Variants in FBXL18 observed in about 807,000 individuals in gnomAD.
FBXL18 encodes F-box/LRR-repeat protein 18.
A neutral mutation model predicts 46.0 loss-of-function variants in FBXL18; 36 were observed. The ratio of observed to expected loss-of-function variants is 0.78; its 90% CI spans 0.60 to 1.03. The LOEUF (loss-of-function observed/expected upper bound fraction) is 1.03, where lower values mean the gene tolerates loss of function less well. FBXL18 is among the 50% of genes least tolerant of loss of function. FBXL18 has a pLI of 0.00. For missense variants in FBXL18, 977 were observed against 1,004.1 expected (o/e 0.97, Z 0.36); for synonymous variants, 557 against 465.3 (o/e 1.20, Z -2.54).
At chr7:5,498,816 G>A (rs1474285635) in intron 3 of FBXL18, among the ~76,000 whole-genome samples, 3 of 151,946 alleles carry the variant, frequency 2.0e-5, no homozygotes, top group South Asian at 4.1e-4. Context: ...TAGATGATCC[G>A]CACACCTTGG....
intron 4 of FBXL18, among the ~76,000 whole-genome samples, chr7:5,464,072 G>A (rs1220849121): frequency 2.6e-5 from 4 of 152,096 alleles, no homozygotes; most frequent in Non-Finnish European, 2.9e-5. Context: ...CTGGCCGGGC[G>A]CGGTGACTCA....
chr7:5,471,609 A>G (rs1347369375), downstream of FBXL18, among the ~76,000 whole-genome samples: 2 of 151,996 alleles, frequency 1.3e-5, no homozygotes, highest in Non-Finnish European at 2.9e-5. Flanking sequence ...ACGGGGCTTC[A>G]CCGTGTTAGC....
intron 4 of FBXL18, among the ~76,000 whole-genome samples, chr7:5,458,308 T>C (rs1368559970): frequency 6.6e-6 from 1 of 152,198 alleles, no homozygotes; most frequent in African/African-American, 2.4e-5. Flanking sequence ...CTCACGCCTG[T>C]AATCCCAGCA....
chr7:5,486,164 T>C (rs1336578516), intron 4 of FBXL18, among the ~76,000 whole-genome samples: 3 of 151,192 alleles, frequency 2.0e-5, no homozygotes, highest in Non-Finnish European at 4.4e-5. Context: ...TGAGGCAGAA[T>C]TGCTTGAACC....
In FBXL18 at chr7:5,491,406, C is replaced by T. The variant is rs778408105; in HGVS notation, c.1825G>A (p.Ala609Thr). ...TGCAGCGAGGGGCACTGGCTCAGCG[C>T]CTGGAAGAACTGGGCGTTGGCGCTG... ...YFSANAQFFQ[A>T]LSQCPSLQRL... Residue 609 changes from alanine (A) to threonine (T), a missense_variant, in exon 4 of 5, where the codon GCG becomes ACG. Transcript: ENST00000382368. 1 of 1,603,610 alleles carries T rather than the reference C, an allele frequency of 6.2e-7. No homozygotes were observed. Among genetic ancestry groups the T allele is most frequent in the Non-Finnish European group, 8.5e-7 (1 of 1,176,442 alleles).
chr7:5,489,226 G>A (rs1225806215), intron 4 of FBXL18: 1 of 518,566 alleles, frequency 1.9e-6, no homozygotes, highest in Non-Finnish European at 3.9e-6. Flanking sequence ...GGACTCCACG[G>A]TGTAGTGTTA....
Position 5,455,797 on chromosome 7 carries a change from G to T in FBXL18, c.2001-7954C>A. 7.0e-6 allele frequency among the ~76,000 whole-genome samples: 1 copy of T among 142,884 alleles called. No homozygotes were observed. The highest frequency in any genetic ancestry group is 3.0e-4 in the East Asian group (1 of 3,324). 93.7% of individuals were successfully genotyped at this position (142,884 alleles called of 152,430 possible). The stretch of plus-strand genomic sequence containing the variant: ...ACACACACACACACACCACTTCCAT[G>T]GCGCCAGGAGAGAGTTTGGTCCTTC... On this transcript the variant is annotated intron_variant and NMD_transcript_variant, in intron 4 of 6. Coordinates refer to the FBXL18 transcript ENST00000415009. This position sits in a 1 kb window ranked among gnomAD's most constrained non-coding sequence, Gnocchi z 4.6.
At chr7:5,463,879 T>A (rs1259267575) in intron 4 of FBXL18, among the ~76,000 whole-genome samples, 1 of 151,240 alleles carries the variant, frequency 6.6e-6, no homozygotes, top group Non-Finnish European at 1.5e-5. Context: ...TAGCTGGGAT[T>A]ACAGGCGTGC....
At chr7:5,459,752 A>C (rs1562670163) in intron 4 of FBXL18, among the ~76,000 whole-genome samples, 2 of 151,054 alleles carry the variant, frequency 1.3e-5, no homozygotes, top group Non-Finnish European at 3.0e-5. Context: ...AAAAAAAAAA[A>C]AATACAAAAA....
chr7:5,471,362 C>T (rs985514778), downstream of FBXL18, among the ~76,000 whole-genome samples: 16 of 152,160 alleles, frequency 1.1e-4, no homozygotes, highest in Non-Finnish European at 4.4e-5. Context: ...CTACAACCTC[C>T]GCCTCCCGGG....
intron 4 of FBXL18, among the ~76,000 whole-genome samples, chr7:5,468,039 G>T (rs1584187178): frequency 6.6e-6 from 1 of 151,106 alleles, no homozygotes. Flanking sequence ...CTGGAGTGCA[G>T]TGGCACGATC....
intron 1 of FBXL18, among the ~76,000 whole-genome samples, chr7:5,510,026 G>A (rs1784489433): frequency 6.6e-6 from 1 of 152,108 alleles, no homozygotes; most frequent in Non-Finnish European, 1.5e-5. Flanking sequence ...TGCAGGAAGG[G>A]CGCGGTAGCT....
rs1276210296 is a variant in FBXL18, at chr7:5,476,411, C to T, written c.*5364G>A. ...GTCCACTGATCTGGGGTAGGAGTAGCCAAGTGTTCTGACAGGCGGTTTTCC... is the reference window on the plus strand; with the variant it reads ...GTCCACTGATCTGGGGTAGGAGTAGTCAAGTGTTCTGACAGGCGGTTTTCC... On this transcript the variant is annotated 3_prime_UTR_variant, in exon 5 of 5. Transcript: ENST00000382368. 1 of 152,164 alleles carries T rather than the reference C, an allele frequency of 6.6e-6. No homozygotes were observed. Among genetic ancestry groups the T allele is most frequent in the Non-Finnish European group, 1.5e-5 (1 of 68,044 alleles). 9.4% of individuals were successfully genotyped at this position (152,164 alleles called of 1,614,324 possible).
At chr7:5,470,605 C>A (rs1229432740) in intron 4 of FBXL18, among the ~76,000 whole-genome samples, 1 of 152,178 alleles carries the variant, frequency 6.6e-6, no homozygotes, top group Non-Finnish European at 1.5e-5. Context: ...CAGGCAGACA[C>A]AAGACACAAC....
At chr7:5,505,690 T>C (rs1201368665) in intron 1 of FBXL18, 60 bp from the exon 2 acceptor site, 2 of 1,429,886 alleles carry the variant, frequency 1.4e-6, no homozygotes, top group South Asian at 1.2e-5. Context: ...CAGCCTAGCC[T>C]GCAGCTAGGC....
At position 5,505,461 on chromosome 7, in the gene FBXL18, C is replaced by T; in HGVS notation, c.188G>A (p.Cys63Tyr). 2 of 1,614,140 alleles carry T rather than the reference C, an allele frequency of 1.2e-6. No homozygotes were observed. The highest frequency in any genetic ancestry group is 1.7e-6 in the Non-Finnish European group (2 of 1,180,038). The change falls in exon 2 of 5, where the codon TGC becomes TAC. Residue 63 changes from cysteine to tyrosine, a missense_variant. Coordinates refer to ENST00000382368, the MANE Select transcript of FBXL18 (RefSeq NM_024963.6). Reference sequence around the variant, plus strand: ...GGTGTGGATGAGGCTCTTGTCAAGGCACAGGGCTGCAAGCTTCCGACAGGT... The same window carrying T: ...GGTGTGGATGAGGCTCTTGTCAAGGTACAGGGCTGCAAGCTTCCGACAGGT... The part of the protein sequence containing the change: ...RRTCRKLAAL[C>Y]LDKSLIHTVL...
chr7:5,503,316 G>A (rs1784315228), intron 2 of FBXL18, among the ~76,000 whole-genome samples: 1 of 152,166 alleles, frequency 6.6e-6, no homozygotes, highest in South Asian at 2.1e-4. Context: ...CCTGGGAGGT[G>A]GACGTTGCAG....
At position 5,501,237 on chromosome 7, in the gene FBXL18, G is replaced by A; in HGVS notation, c.1032C>T (p.Ser344=). The change falls in exon 3 of 5, where the codon AGC becomes AGT. Residue 344 remains serine (S), a synonymous_variant. Transcript: ENST00000382368. ...QVINGGKDLR[S]LASLNLSGCV... ...AGCCGCTGAGGTTCAAGCTGGCCAG[G>A]CTCCGCAGGTCCTTCCCGCCGTTGA... 1 of 1,613,348 alleles carries A rather than the reference G, an allele frequency of 6.2e-7. No individual in the cohort carries two copies.
intron 4 of FBXL18, among the ~76,000 whole-genome samples, chr7:5,464,897 T>C (rs1783320233): frequency 6.6e-6 from 1 of 151,652 alleles, no homozygotes; most frequent in Non-Finnish European, 1.5e-5. Context: ...AACCCCGTCC[T>C]ACTAAAAATA....
Sources: gnomAD v4.1 joint callset for allele counts (sites outside exome capture counted in the v4.1 genomes callset) on GRCh38, gnomAD v4.1.1 for gene constraint, Gnocchi (gnomAD v3.1) non-coding constraint, MANE v1.5 for transcripts, NCBI Gene and HGNC (gene_info 2026-07-23, HGNC 2026-07-21) for gene names.